The following NPHP1 variants were observed in gnomAD, a reference collection of about 807,000 sequenced individuals.
The protein encoded by NPHP1 is nephrocystin-1.
In NPHP1, 70 loss-of-function variants were observed where a neutral mutation model predicts 90.4. The observed-to-expected ratio is 0.77, with a 90% CI of 0.64 to 0.95. NPHP1 has a LOEUF of 0.95. NPHP1 is among the 40% of genes least tolerant of loss of function. The pLI is 0.00. For synonymous variants in NPHP1, 256 were observed against 271.7 expected, an observed-to-expected ratio of 0.94 and a Z score of 0.57; for missense variants, 764 against 795.9, an observed-to-expected ratio of 0.96 and a Z score of 0.48.
chr2:110,144,956 T>C (rs942338662), intron 14 of NPHP1, among the ~76,000 whole-genome samples: 1 of 152,298 alleles, frequency 6.6e-6, no homozygotes, highest in East Asian at 1.9e-4. Context: ...TATGAACTTA[T>C]ATTATTTTTA....
At chr2:110,170,517 T>A (rs1394328139) in intron 4 of NPHP1, among the ~76,000 whole-genome samples, 1 of 152,120 alleles carries the variant, frequency 6.6e-6, no homozygotes, top group African/African-American at 2.4e-5. Context: ...AAGCTTTCCA[T>A]AAAAGTCAGT....
chr2:110,143,669 C>T (rs200526589), intron 15 of NPHP1, 28 bp from the exon 16 acceptor site: 35 of 1,502,748 alleles, frequency 2.3e-5, no homozygotes, highest in Middle Eastern at 3.4e-4. Context: ...AAGTAACTCA[C>T]GAAACTTTAA....
In NPHP1 at chr2:110,132,340, G is replaced by C. The variant is rs1189041131; in HGVS notation, c.1530-549C>G. Reference sequence around the variant, plus strand: ...CAATAGTAATACTTGCATTTCAGAAGGTTACTAAAAGGATTAAAATGAAGT... The same window carrying C: ...CAATAGTAATACTTGCATTTCAGAACGTTACTAAAAGGATTAAAATGAAGT... On this transcript the variant is annotated intron_variant, in intron 16 of 19. Transcript: ENST00000445609. Among the ~76,000 whole-genome samples, 6 of 152,122 alleles carry C rather than the reference G, an allele frequency of 3.9e-5. No individual in the cohort carries two copies. The East Asian group carries it at 1.2e-3, about 29-fold the overall frequency.
At position 110,195,678 on chromosome 2, in the gene NPHP1, A is replaced by C. The variant is rs1685116178; in HGVS notation, c.143+5743T>G. Among the ~76,000 whole-genome samples, 4 of 152,152 alleles carry C rather than the reference A, an allele frequency of 2.6e-5. No homozygotes were observed. In the South Asian group the frequency reaches 8.3e-4, roughly 31 times the overall value. ...ACTTTAAGTTCATATGGAACCAAAAAAGAGCCCACATTACCAAGTCAATCC... is the reference window on the plus strand; with the variant it reads ...ACTTTAAGTTCATATGGAACCAAAACAGAGCCCACATTACCAAGTCAATCC... On this transcript the variant is annotated intron_variant, in intron 2 of 19. Transcript: ENST00000445609.
At chr2:110,188,823 G>A (rs1684472542) in intron 2 of NPHP1, among the ~76,000 whole-genome samples, 1 of 152,074 alleles carries the variant, frequency 6.6e-6, no homozygotes, top group Non-Finnish European at 1.5e-5. Flanking sequence ...ACAGAATAGA[G>A]AACTCAGAAA....
chr2:110,134,569 T>C (rs911761131), intron 16 of NPHP1, among the ~76,000 whole-genome samples: 1 of 150,216 alleles, frequency 6.7e-6, no homozygotes, highest in Non-Finnish European at 1.5e-5. Flanking sequence ...TTCCTGAATA[T>C]TGATGCAAAA....
Position 110,190,479 on chromosome 2 carries a change from C to T in NPHP1, c.144-10795G>A, listed in dbSNP as rs545888742. 6.6e-5 allele frequency among the ~76,000 whole-genome samples: 10 copies of T among 152,296 alleles called. No individual in the cohort carries two copies. In the South Asian group the frequency reaches 1.0e-3, roughly 16 times the overall value. ...GGGCCGGTGGGGCTGGCTGGCTGGC[C>T]GCTCCAAGTGCAGAGTCCACGGAGC... On this transcript the variant is annotated intron_variant, in intron 2 of 19. Coordinates refer to ENST00000445609, the MANE Select transcript of NPHP1 (RefSeq NM_001128178.3).
intron 10 of NPHP1, among the ~76,000 whole-genome samples, chr2:110,160,632 G>C (rs1257021835): frequency 6.6e-6 from 1 of 152,132 alleles, no homozygotes. Context: ...ATGCCACCTG[G>C]CATTAAGATT....
chr2:110,134,023 A>G (rs574842000), intron 16 of NPHP1, among the ~76,000 whole-genome samples: 1 of 152,138 alleles, frequency 6.6e-6, no homozygotes, highest in South Asian at 2.1e-4. Context: ...GGTCAGATAT[A>G]GACAAAATAA....
At chr2:110,197,848 C>T (rs1439016056) in intron 2 of NPHP1, among the ~76,000 whole-genome samples, 4 of 152,074 alleles carry the variant, frequency 2.6e-5, no homozygotes, top group Non-Finnish European at 5.9e-5. Context: ...TCAGAAATTT[C>T]GCTTAAAGCC....
intron 2 of NPHP1, among the ~76,000 whole-genome samples, chr2:110,193,178 G>A (rs1269311999): frequency 6.6e-6 from 1 of 152,050 alleles, no homozygotes; most frequent in African/African-American, 2.4e-5. Flanking sequence ...AATGTAAATG[G>A]GCTAAATGCT....
At position 110,136,620 on chromosome 2, in the gene NPHP1, T is replaced by C. The variant is rs370701067; in HGVS notation, c.1530-4829A>G. 8.6e-4 allele frequency among the ~76,000 whole-genome samples: 131 copies of C among 152,190 alleles called. 1 individual carries two copies. The East Asian group carries it at 0.014, about 17-fold the overall frequency. Reference sequence around the variant, plus strand: ...ACCTAGGAATCCAACTTACAAGGGATGTGAAGGACCTCTTCAAGGAGAAAT... The same window carrying C: ...ACCTAGGAATCCAACTTACAAGGGACGTGAAGGACCTCTTCAAGGAGAAAT... On this transcript the variant is annotated intron_variant, in intron 16 of 19. Transcript: ENST00000445609.
At chr2:110,147,364 T>C (rs1485737672) in intron 13 of NPHP1, among the ~76,000 whole-genome samples, 1 of 152,092 alleles carries the variant, frequency 6.6e-6, no homozygotes, top group Non-Finnish European at 1.5e-5. Context: ...TGTAATACCA[T>C]TAATGTAACA....
chr2:110,140,440 A>G (rs1037841104), intron 16 of NPHP1, among the ~76,000 whole-genome samples: 1 of 152,140 alleles, frequency 6.6e-6, no homozygotes, highest in African/African-American at 2.4e-5. Context: ...CCCAGCATAC[A>G]GTAGAGCATT....
intron 4 of NPHP1, among the ~76,000 whole-genome samples, chr2:110,172,456 T>C (rs1209030325): frequency 6.6e-6 from 1 of 152,112 alleles, no homozygotes; most frequent in Non-Finnish European, 1.5e-5. Flanking sequence ...TAATTGATTT[T>C]CAACTTTTTT....
At chr2:110,137,971 T>C (rs1331325240) in intron 16 of NPHP1, among the ~76,000 whole-genome samples, 2 of 151,334 alleles carry the variant, frequency 1.3e-5, no homozygotes, top group Non-Finnish European at 2.9e-5. Context: ...GTGGCACATA[T>C]ACACCATGGA....
chr2:110,195,594 G>C (rs1685107719), intron 2 of NPHP1, among the ~76,000 whole-genome samples: 1 of 152,138 alleles, frequency 6.6e-6, no homozygotes, highest in South Asian at 2.1e-4. Flanking sequence ...GTAATTTATA[G>C]ATTCAATGCC....
chr2:110,130,395 C>A (rs1253995281), intron 17 of NPHP1, among the ~76,000 whole-genome samples: 4 of 152,158 alleles, frequency 2.6e-5, no homozygotes, highest in African/African-American at 9.7e-5. Flanking sequence ...GGAAAACTAA[C>A]AAGCCTTATC....
rs544415699 is a variant in NPHP1, at chr2:110,161,077, G to C, written c.954+526C>G. On this transcript the variant is annotated intron_variant, in intron 10 of 19. Transcript: ENST00000445609. ...GCTACTCAGGAAGCTGAAGTGGGAG[G>C]GTCGCTTGAGCCCAGGAATTTGAGG... is the stretch of plus-strand genomic sequence containing the variant. Among the ~76,000 whole-genome samples the C allele has an allele frequency of 6.6e-5, 10 of 152,110 alleles. No homozygotes were observed. The East Asian group carries it at 1.9e-3, about 29-fold the overall frequency.
Sources: allele counts gnomAD v4.1 joint callset (sites outside exome capture counted in the v4.1 genomes callset), GRCh38; gene constraint gnomAD v4.1.1; transcripts MANE v1.5; gene names NCBI Gene and HGNC (gene_info 2026-07-23, HGNC 2026-07-21).